The following DGKB variants were observed in gnomAD, a reference collection of about 807,000 sequenced individuals.
DGKB encodes 90 kDa diacylglycerol kinase.
A neutral mutation model predicts 114.3 loss-of-function variants in DGKB; 67 were observed. The observed-to-expected ratio is 0.59, with a 90% CI of 0.48 to 0.72. DGKB has a LOEUF of 0.72. Ranked by LOEUF, DGKB falls within the 30% of genes least tolerant of loss-of-function variation. The pLI, the probability that DGKB is intolerant of heterozygous loss-of-function variation, is 0.00. For missense variants in DGKB, 907 were observed against 975.2 expected, an observed-to-expected ratio of 0.93 and a Z score of 0.93; for synonymous variants, 398 against 323.1, an observed-to-expected ratio of 1.23 and a Z score of -2.49.
chr7:14,971,151 G>A (rs558287220), intron 1 of DGKB, among the ~76,000 whole-genome samples: 7 of 152,172 alleles, frequency 4.6e-5, no homozygotes, highest in Admixed American at 2.6e-4. Flanking sequence ...TCTGCAGGTG[G>A]GATTATTCTG....
At chr7:14,658,516 G>A (rs1464232072) in intron 13 of DGKB, among the ~76,000 whole-genome samples, 1 of 151,786 alleles carries the variant, frequency 6.6e-6, no homozygotes, top group Admixed American at 6.6e-5. Flanking sequence ...CAATAGTAGA[G>A]TAGAATGACG....
intron 1 of DGKB, among the ~76,000 whole-genome samples, chr7:14,961,181 T>C (rs532159080): frequency 3.9e-5 from 6 of 152,282 alleles, no homozygotes; most frequent in African/African-American, 1.4e-4. Context: ...TTTTAACATA[T>C]TTTGAAAATA....
intron 21 of DGKB, among the ~76,000 whole-genome samples, chr7:14,420,671 G>A (rs1029425631): frequency 4.6e-5 from 7 of 151,878 alleles, no homozygotes; most frequent in Admixed American, 1.3e-4. Context: ...TTATAGACAC[G>A]GACTACTGCA....
chr7:14,305,551 C>T (rs1458394365), intron 23 of DGKB, among the ~76,000 whole-genome samples: 1 of 151,998 alleles, frequency 6.6e-6, no homozygotes, highest in Non-Finnish European at 1.5e-5. Flanking sequence ...ATTTGGGATT[C>T]CTATTCAGGG....
At chr7:14,861,676 T>C (rs1043616892) in intron 1 of DGKB, among the ~76,000 whole-genome samples, 8 of 151,978 alleles carry the variant, frequency 5.3e-5, no homozygotes, top group Non-Finnish European at 1.2e-4. Context: ...CCACCTATTA[T>C]GGCCTGGCCT....
At chr7:14,677,905 C>A (rs574498170) in intron 12 of DGKB, among the ~76,000 whole-genome samples, 1 of 152,050 alleles carries the variant, frequency 6.6e-6, no homozygotes, top group African/African-American at 2.4e-5. Flanking sequence ...TACAAATGAA[C>A]AGAAAATTTC....
chr7:14,455,567 C>T (rs1832164563), intron 21 of DGKB, among the ~76,000 whole-genome samples: 1 of 151,928 alleles, frequency 6.6e-6, no homozygotes, highest in African/African-American at 2.4e-5. Flanking sequence ...TTATATTTCT[C>T]TAGAGAGTAC....
At chr7:14,312,539 CTT>C (rs1198981190) in intron 23 of DGKB, among the ~76,000 whole-genome samples, 2 of 152,110 alleles carry the variant, frequency 1.3e-5, no homozygotes, top group African/African-American at 2.4e-5. Flanking sequence ...AATATTTACT[CTT>C]GAGTACAATT....
At chr7:14,937,059 CACACACACACACACAT>C (rs1287122661) in intron 1 of DGKB, among the ~76,000 whole-genome samples, 19 of 148,670 alleles carry the variant, frequency 1.3e-4, no homozygotes, top group African/African-American at 4.7e-4. Context: ...CACACACACA[CACACACACACACACAT>C]CTTTTGTTAA....
intron 23 of DGKB, among the ~76,000 whole-genome samples, chr7:14,228,800 G>T (rs1584583017): frequency 6.6e-6 from 1 of 151,878 alleles, no homozygotes; most frequent in East Asian, 1.9e-4. Context: ...TTCAAAAAAT[G>T]TATTCTTTTC....
At chr7:14,597,610 T>A (rs1041062118) in intron 17 of DGKB, among the ~76,000 whole-genome samples, 1 of 152,154 alleles carries the variant, frequency 6.6e-6, no homozygotes, top group African/African-American at 2.4e-5. Context: ...TAAATTACCT[T>A]AAATTTTCAT....
chr7:14,973,527 GTTTTTTTTTTCT>G (rs887743542), intron 1 of DGKB, among the ~76,000 whole-genome samples: 5 of 137,312 alleles, frequency 3.6e-5, no homozygotes, highest in African/African-American at 8.0e-5. Context: ...TTGTTTTTTT[GTTTTTTTTTTCT>G]TTTTTTTTTC....
chr7:14,884,426 G>A (rs925482771), intron 1 of DGKB, among the ~76,000 whole-genome samples: 2 of 151,864 alleles, frequency 1.3e-5, no homozygotes, highest in African/African-American at 4.8e-5. Flanking sequence ...AAATAAAATG[G>A]ATAGGAAGCC....
At chr7:14,239,698 C>T (rs771356430) in intron 23 of DGKB, among the ~76,000 whole-genome samples, 2 of 151,994 alleles carry the variant, frequency 1.3e-5, no homozygotes, top group Admixed American at 6.6e-5. Flanking sequence ...AACTTGATAC[C>T]TGGTGTGGGT....
chr7:14,786,501 T>G (rs1333581345), intron 2 of DGKB, among the ~76,000 whole-genome samples: 1 of 152,226 alleles, frequency 6.6e-6, no homozygotes, highest in African/African-American at 2.4e-5. Context: ...GCCAGGGCTG[T>G]GTATTCCCTG....
chr7:14,697,852 AGAAG>A (rs1414534489), intron 8 of DGKB, among the ~76,000 whole-genome samples: 24 of 146,068 alleles, frequency 1.6e-4, no homozygotes, highest in East Asian at 1.0e-3. Flanking sequence ...AGGGAGAGAG[AGAAG>A]GAAGGAAGGA....
intron 20 of DGKB, among the ~76,000 whole-genome samples, chr7:14,537,266 G>C (rs1017717600): frequency 6.6e-6 from 1 of 152,022 alleles, no homozygotes; most frequent in Non-Finnish European, 1.5e-5. Context: ...TATATTCAGT[G>C]CAATCCCTAT....
chr7:14,726,039 C>T (rs1829978189), intron 5 of DGKB, among the ~76,000 whole-genome samples: 1 of 152,106 alleles, frequency 6.6e-6, no homozygotes, highest in Non-Finnish European at 1.5e-5. Flanking sequence ...CACATATTAT[C>T]CCCATTTTAC....
intron 3 of DGKB, among the ~76,000 whole-genome samples, chr7:14,756,141 T>A (rs755137599): frequency 6.6e-6 from 1 of 152,026 alleles, no homozygotes; most frequent in Non-Finnish European, 1.5e-5. Flanking sequence ...ATCACTTAAC[T>A]GAGTTTGTAG....
Sources: gnomAD v4.1 joint callset for allele counts (sites outside exome capture counted in the v4.1 genomes callset) on GRCh38, gnomAD v4.1.1 for gene constraint, MANE v1.5 for transcripts, NCBI Gene and HGNC (gene_info 2026-07-23, HGNC 2026-07-21) for gene names.